The following NVL variants were observed in gnomAD, a reference collection of about 807,000 sequenced individuals.
The protein encoded by NVL is nuclear VCP like.
NVL carries 84 observed loss-of-function variants against 110.2 expected under a neutral mutation model. That is an observed-to-expected ratio of 0.76 (90% CI 0.64 to 0.91). NVL has a LOEUF of 0.91. Ranked by LOEUF, NVL falls within the 40% of genes least tolerant of loss-of-function variation. The probability of loss-of-function intolerance (pLI) is 0.00; values close to 1 mark genes in which losing one functional copy is unlikely to be tolerated. For synonymous variants in NVL, 354 were observed against 361.1 expected (o/e 0.98, Z 0.22); for missense variants, 882 against 1,035.9 (o/e 0.85, Z 2.04).
intron 2 of NVL, among the ~76,000 whole-genome samples, chr1:224,318,384 C>T (rs1417158755): frequency 1.3e-5 from 2 of 151,182 alleles, no homozygotes; most frequent in African/African-American, 4.9e-5. Flanking sequence ...GGGAGAATCA[C>T]TTGAGCCTAG....
At chr1:224,291,925 C>G (rs898559854) in intron 12 of NVL, among the ~76,000 whole-genome samples, 4 of 152,172 alleles carry the variant, frequency 2.6e-5, no homozygotes, top group African/African-American at 9.6e-5. Flanking sequence ...GAAGGGAAAG[C>G]TACCACTGTT....
intron 19 of NVL, among the ~76,000 whole-genome samples, chr1:224,244,978 A>G (rs1333200475): frequency 6.6e-6 from 1 of 152,072 alleles, no homozygotes; most frequent in East Asian, 1.9e-4. Flanking sequence ...GAGCCACTGT[A>G]CCTGGCCCAC....
At chr1:224,231,430 T>G (rs916886944) in intron 21 of NVL, 134 bp from the exon 22 acceptor site, 11 of 653,178 alleles carry the variant, frequency 1.7e-5, no homozygotes, top group Non-Finnish European at 2.7e-6. Context: ...GGCTCTGTTC[T>G]TTTTCAGAAC....
chr1:224,233,112 T>A lies in NVL; in HGVS notation c.2455+89A>T. ...AAAACGTTAGCTTTAATATCATAGATAATAGACACTAGAAAATGGTCATTT... is the reference window on the plus strand; with the variant it reads ...AAAACGTTAGCTTTAATATCATAGAAAATAGACACTAGAAAATGGTCATTT... On this transcript the variant is annotated intron_variant, in intron 21 of 22. Transcript: ENST00000281701. 12 of 1,088,246 alleles carry A rather than the reference T, an allele frequency of 1.1e-5. No individual in the cohort carries two copies. In the South Asian group the frequency reaches 1.7e-4, roughly 16 times the overall value. 67.4% of individuals were successfully genotyped at this position (1,088,246 alleles called of 1,614,324 possible).
intron 2 of NVL, 80 bp from the exon 3 acceptor site, chr1:224,318,010 T>TA: frequency 1.1e-6 from 1 of 938,000 alleles, no homozygotes; most frequent in Non-Finnish European, 1.6e-6. Flanking sequence ...ATGGATCAAA[T>TA]AAATTTTCAT....
At chr1:224,305,013 C>T (rs781329014) in intron 7 of NVL, 21 bp downstream of exon 7, 1 of 1,610,050 alleles carries the variant, frequency 6.2e-7, no homozygotes, top group Admixed American at 1.7e-5. Flanking sequence ...ACCACTGCCA[C>T]CAACAAGACT....
At chr1:224,234,443 C>T (rs1229771468) in intron 20 of NVL, among the ~76,000 whole-genome samples, 2 of 152,068 alleles carry the variant, frequency 1.3e-5, no homozygotes, top group East Asian at 3.9e-4. Context: ...TGTTGATAAT[C>T]CCCATACTAT....
At chr1:224,286,552 A>G (rs1378237067) in intron 14 of NVL, among the ~76,000 whole-genome samples, 3 of 152,182 alleles carry the variant, frequency 2.0e-5, no homozygotes, top group African/African-American at 4.8e-5. Flanking sequence ...AGATACGAAC[A>G]GTACCTGGTT....
At chr1:224,259,643 T>G (rs745947876) in intron 18 of NVL, among the ~76,000 whole-genome samples, 14 of 151,964 alleles carry the variant, frequency 9.2e-5, no homozygotes, top group South Asian at 4.2e-4. Context: ...ATAATAATAA[T>G]AAGAATGATG....
chr1:224,294,452 A>C, intron 11 of NVL, 41 bp from the exon 12 acceptor site: 1 of 1,598,938 alleles, frequency 6.3e-7, no homozygotes, highest in Non-Finnish European at 8.6e-7. Context: ...AAAGCACTTG[A>C]CACTGACGGC....
chr1:224,243,450 G>A (rs1198405606), intron 19 of NVL, among the ~76,000 whole-genome samples: 4 of 152,006 alleles, frequency 2.6e-5, no homozygotes, highest in Non-Finnish European at 4.4e-5. Flanking sequence ...GACAGAGCAA[G>A]ACCTTGTCTC....
intron 19 of NVL, among the ~76,000 whole-genome samples, chr1:224,245,018 A>G (rs533333946): frequency 6.6e-6 from 1 of 152,208 alleles, no homozygotes; most frequent in East Asian, 1.9e-4. Context: ...CTTAGATCCC[A>G]AAAGATATGA....
intron 8 of NVL, 140 bp downstream of exon 8, chr1:224,304,596 A>T: frequency 1.5e-6 from 1 of 684,572 alleles, no homozygotes; most frequent in South Asian, 1.9e-5. Context: ...CCTAAAGGGT[A>T]CAGGTCAGGT....
chr1:224,244,032 A>G (rs149435436), intron 19 of NVL, among the ~76,000 whole-genome samples: 207 of 151,720 alleles, frequency 1.4e-3, no homozygotes, highest in African/African-American at 4.8e-3. Context: ...TGGTTTTCTG[A>G]GATATTTTAA....
At chr1:224,256,423 T>TTAA (rs1553311555) in intron 18 of NVL, among the ~76,000 whole-genome samples, 1 of 75,660 alleles carries the variant, frequency 1.3e-5, no homozygotes, top group East Asian at 5.1e-4. Flanking sequence ...AGGCTCCATC[T>TTAA]AAAAAAAAAA....
chr1:224,230,359 C>T (rs995176135), intron 22 of NVL, among the ~76,000 whole-genome samples: 1 of 152,202 alleles, frequency 6.6e-6, no homozygotes, highest in Non-Finnish European at 1.5e-5. Context: ...AATCCCAGCA[C>T]TTTGGGAGGC....
chr1:224,288,223 T>C (rs895866498), intron 13 of NVL, among the ~76,000 whole-genome samples: 18 of 152,184 alleles, frequency 1.2e-4, no homozygotes, highest in Non-Finnish European at 2.1e-4. Context: ...ATTAAACATA[T>C]AAGAATGACT....
intron 12 of NVL, among the ~76,000 whole-genome samples, chr1:224,293,316 G>T (rs987310102): frequency 6.6e-6 from 1 of 152,018 alleles, no homozygotes; most frequent in Non-Finnish European, 1.5e-5. Context: ...TGATCCGCCC[G>T]CCTCGGCCTC....
At chr1:224,286,548 G>T (rs1171280783) in intron 14 of NVL, among the ~76,000 whole-genome samples, 1 of 152,044 alleles carries the variant, frequency 6.6e-6, no homozygotes, top group Non-Finnish European at 1.5e-5. Context: ...CTGAAGATAC[G>T]AACAGTACCT....
Sources: gnomAD v4.1 joint callset for allele counts (sites outside exome capture counted in the v4.1 genomes callset) on GRCh38, gnomAD v4.1.1 for gene constraint, MANE v1.5 for transcripts, NCBI Gene and HGNC (gene_info 2026-07-23, HGNC 2026-07-21) for gene names.